MAP4: variants seen among roughly 807,000 people sequenced by gnomAD.
MAP4 encodes microtubule-associated protein 4.
Under a neutral mutation model 170.2 loss-of-function variants are expected in MAP4, and 76 were observed. That is an observed-to-expected ratio of 0.45 (90% confidence interval 0.37 to 0.54). The LOEUF (loss-of-function observed/expected upper bound fraction) is 0.54, where lower values mean the gene tolerates loss of function less well. Ranked by LOEUF, MAP4 falls within the 20% of genes least tolerant of loss-of-function variation. The pLI, the probability that MAP4 is intolerant of heterozygous loss-of-function variation, is 0.00. For synonymous variants in MAP4, 909 were observed against 994.5 expected (o/e 0.91, Z 1.62); for missense variants, 2,506 against 2,748.0 (o/e 0.91, Z 1.97).
intron 3 of MAP4, among the ~76,000 whole-genome samples, chr3:47,941,627 C>CAAA (rs796623845): frequency 3.2e-4 from 41 of 126,892 alleles, no homozygotes; most frequent in African/African-American, 1.1e-3. Context: ...AAAACAAAAA[C>CAAA]AAAAAAAAAA....
intron 1 of MAP4, chr3:48,088,640 CGGCGGCCACCGCCCTTCCACGCCTCG>C (rs1471406784): frequency 9.2e-5 from 14 of 152,566 alleles, no homozygotes; most frequent in Admixed American, 9.1e-4. Flanking sequence ...TCTCGCAGGC[CGGCGGCCACCGCCCTTCCACGCCTCG>C]GGCGGGCCCC....
At chr3:48,030,520 C>T (rs1349122176) in intron 1 of MAP4, among the ~76,000 whole-genome samples, 2 of 151,142 alleles carry the variant, frequency 1.3e-5, no homozygotes, top group Admixed American at 6.6e-5. Flanking sequence ...GTAAGTTGGC[C>T]GGACGAGGTG....
Position 47,911,584 on chromosome 3 carries a change from T to C in MAP4, c.2837A>G (p.Glu946Gly). ...TTGGTCCAAGAAAGGAGAGCAACCC[T>C]CTTTAAGTCTGATATCCAAAGGGGT... ...VETPLDIRLK[E>G]GCSPFLDQEV... Residue 946 changes from glutamate (E) to glycine (G), a missense_variant, in exon 9 of 21, where the codon GAG becomes GGG. Physicochemically the swap from Glu to Gly is moderately conservative, Grantham distance 98. Coordinates refer to ENST00000683076, the MANE Select transcript of MAP4 (RefSeq NM_001385682.1). This position sits in a 1 kb window ranked among gnomAD's most constrained non-coding sequence, Gnocchi z 4.0. 1 of 1,536,148 alleles carries C rather than the reference T, an allele frequency of 6.5e-7. No homozygotes were observed. The highest frequency in any genetic ancestry group is 1.2e-5 in the South Asian group (1 of 84,066).
chr3:48,087,237 G>A (rs1438161202), intron 1 of MAP4, among the ~76,000 whole-genome samples: 1 of 152,200 alleles, frequency 6.6e-6, no homozygotes, highest in East Asian at 1.9e-4. Context: ...GTTGAGAAAA[G>A]CAAAGTTTAA....
At chr3:47,891,898 T>C in intron 10 of MAP4, 1 of 1,536,144 alleles carries the variant, frequency 6.5e-7, no homozygotes, top group South Asian at 1.2e-5. Flanking sequence ...TTGCTTCCCT[T>C]GAGCCCAGAG....
At position 47,910,585 on chromosome 3, in the gene MAP4, G is replaced by C. The variant is rs901396518; in HGVS notation, c.3836C>G (p.Pro1279Arg). 16 of 1,536,036 alleles carry C rather than the reference G, an allele frequency of 1.0e-5. No homozygotes were observed. The highest frequency in any genetic ancestry group is 2.0e-5 in the Admixed American group (1 of 50,996). The change falls in exon 9 of 21, where the codon CCC (proline) becomes CGC (arginine). Residue 1279 changes from proline (P) to arginine (R), a missense_variant. Coordinates refer to ENST00000683076, the MANE Select transcript of MAP4 (RefSeq NM_001385682.1). ...CTTCCTGTCAACTGCTTCCACTGTG[G>C]GTGTATCTGGTGTATGTGAGAACGA... Reference protein sequence around the residue: ...DSSFSHTPDTPTVEAVDRKGG... With the variant: ...DSSFSHTPDTRTVEAVDRKGG...
chr3:47,984,039 T>A (rs2154303594), intron 2 of MAP4, among the ~76,000 whole-genome samples: 1 of 152,254 alleles, frequency 6.6e-6, no homozygotes, highest in East Asian at 1.9e-4. Flanking sequence ...ATAATGAGAT[T>A]TAATTGCGAA....
At chr3:47,951,169 A>G (rs1276175962) in intron 3 of MAP4, among the ~76,000 whole-genome samples, 7 of 152,248 alleles carry the variant, frequency 4.6e-5, no homozygotes, top group Non-Finnish European at 1.0e-4. Context: ...ATTCTTAAAT[A>G]CTACTGTTGA....
At chr3:48,071,442 T>A (rs937273003) in intron 1 of MAP4, among the ~76,000 whole-genome samples, 3 of 151,472 alleles carry the variant, frequency 2.0e-5, no homozygotes, top group Non-Finnish European at 2.9e-5. Flanking sequence ...CAGATACCCA[T>A]AAGGCTGAAG....
chr3:47,962,339 C>G (rs930997843), intron 3 of MAP4, among the ~76,000 whole-genome samples: 1 of 152,202 alleles, frequency 6.6e-6, no homozygotes, highest in Non-Finnish European at 1.5e-5. Flanking sequence ...AAGCCCCAGT[C>G]TGGGGGCTTG....
chr3:48,021,190 A>C (rs975133714), upstream of MAP4, among the ~76,000 whole-genome samples: 4 of 152,222 alleles, frequency 2.6e-5, no homozygotes, highest in Non-Finnish European at 5.9e-5. Context: ...TTTTAGAATC[A>C]GTTTACTAGA....
chr3:47,964,154 T>C (rs1302142270), intron 3 of MAP4, among the ~76,000 whole-genome samples: 1 of 152,228 alleles, frequency 6.6e-6, no homozygotes, highest in Non-Finnish European at 1.5e-5. Context: ...TACTTTGAGA[T>C]GGGCAACCAC....
chr3:48,065,510 G>A (rs2100137897), intron 1 of MAP4, among the ~76,000 whole-genome samples: 1 of 151,618 alleles, frequency 6.6e-6, no homozygotes, highest in African/African-American at 2.4e-5. Context: ...CCAAAGTTAA[G>A]CCTTATAAGA....
chr3:47,944,413 T>C (rs549743870), intron 3 of MAP4, among the ~76,000 whole-genome samples: 1 of 152,194 alleles, frequency 6.6e-6, no homozygotes, highest in Non-Finnish European at 1.5e-5. Flanking sequence ...ATCCAAAATA[T>C]AGTATTTTAC....
chr3:47,890,968 T>C, intron 10 of MAP4: 1 of 1,365,086 alleles, frequency 7.3e-7, no homozygotes, highest in African/African-American at 1.5e-5. Flanking sequence ...TCTGTCACTT[T>C]GGTTCCTTCC....
In MAP4 at chr3:47,875,839, G is replaced by T; in HGVS notation, c.5603C>A (p.Ser1868Tyr). The T allele has an allele frequency of 1.2e-6, 2 of 1,613,972 alleles. No individual in the cohort carries two copies. The highest frequency in any genetic ancestry group is 1.7e-6 in the Non-Finnish European group (2 of 1,179,984). Residue 1868 changes from serine to tyrosine, a missense_variant, in exon 12 of 21, where the codon TCT becomes TAT. This residue lies in a region of MAP4 where 2,008 missense variants were observed against 2,206.0 expected (regional missense o/e 0.91). Coordinates refer to ENST00000683076, the MANE Select transcript of MAP4 (RefSeq NM_001385682.1). The stretch of plus-strand genomic sequence containing the variant: ...GGTGGGAGCTGGCTGCTTAGGGAGA[G>T]AAGTGGGCTGTGTTTTGGCTTTCGA... ...STSKAKTQPT[S>Y]LPKQPAPTTI... is the part of the protein sequence containing the mutation.
intron 1 of MAP4, among the ~76,000 whole-genome samples, chr3:48,064,768 G>A (rs1056094251): frequency 6.6e-6 from 1 of 152,084 alleles, no homozygotes; most frequent in Admixed American, 6.6e-5. Flanking sequence ...AGGCTATATG[G>A]TATAATCTGT....
intron 9 of MAP4, among the ~76,000 whole-genome samples, chr3:47,905,958 C>G (rs1225634191): frequency 6.6e-6 from 1 of 151,924 alleles, no homozygotes; most frequent in Non-Finnish European, 1.5e-5. Context: ...CGTGCCATTG[C>G]ACTCCAGCCT....
At chr3:47,857,569 CCCCATGCTA>C in intron 17 of MAP4, 57 bp from the exon 18 acceptor site, 3 of 1,122,718 alleles carry the variant, frequency 2.7e-6, no homozygotes, top group Admixed American at 1.7e-5. Flanking sequence ...TCAGAGCCAA[CCCCATGCTA>C]CCTTTTAAAT....
Sources: gnomAD v4.1 joint callset for allele counts (sites outside exome capture counted in the v4.1 genomes callset) on GRCh38, gnomAD v4.1.1 for gene constraint, gnomAD v4.1.1 regional missense constraint, Gnocchi (gnomAD v3.1) non-coding constraint, MANE v1.5 for transcripts, NCBI Gene and HGNC (gene_info 2026-07-23, HGNC 2026-07-21) for gene names.